UEVLD: variants seen among roughly 807,000 people sequenced by gnomAD.
The protein encoded by UEVLD is ubiquitin-conjugating enzyme E2 variant 3.
Under a neutral mutation model 58.6 loss-of-function variants are expected in UEVLD, and 47 were observed. That is an observed-to-expected ratio of 0.80 (90% CI 0.63 to 1.02). UEVLD has a LOEUF of 1.02. Ranked by LOEUF, UEVLD falls within the 50% of genes least tolerant of loss-of-function variation. The probability of loss-of-function intolerance (pLI) is 0.00; values close to 1 mark genes in which losing one functional copy is unlikely to be tolerated. For synonymous variants in UEVLD, 197 were observed against 195.3 expected (o/e 1.01, Z -0.07); for missense variants, 510 against 550.6 (o/e 0.93, Z 0.74).
chr11:18,566,212 TTTC>T lies in UEVLD; in HGVS notation c.493+132_493+134del. 9 of 1,308,450 alleles carry T rather than the reference TTTC, an allele frequency of 6.9e-6. 1 individual carries two copies. The South Asian group carries it at 8.0e-5, about 12-fold the overall frequency. The allele number at this position is 1,308,450 out of a possible 1,614,324, so 81.1% of individuals were successfully genotyped here. On this transcript the variant is annotated intron_variant, in intron 5 of 11. Coordinates refer to ENST00000396197, the MANE Select transcript of UEVLD (RefSeq NM_001040697.4). ...CTGCGCCTGGCCTGAGGCACAGGAA[TTTC>T]TTATTTCAAAAACAGATGTACATAC...
intron 1 of UEVLD, among the ~76,000 whole-genome samples, chr11:18,579,146 C>T (rs940537923): frequency 3.3e-5 from 5 of 152,116 alleles, no homozygotes; most frequent in Non-Finnish European, 5.9e-5. Context: ...TGGTTACAGG[C>T]GTGAGCCACC....
At chr11:18,550,934 G>A (rs1025394860) in intron 7 of UEVLD, among the ~76,000 whole-genome samples, 1 of 152,118 alleles carries the variant, frequency 6.6e-6, no homozygotes, top group Non-Finnish European at 1.5e-5. Context: ...CAAACCCCCA[G>A]ATGATTCTGA....
chr11:18,576,587 T>G (rs1852922927), intron 2 of UEVLD, among the ~76,000 whole-genome samples: 1 of 152,142 alleles, frequency 6.6e-6, no homozygotes, highest in Non-Finnish European at 1.5e-5. Flanking sequence ...TTAGTAATCA[T>G]GCACCTGGAA....
At chr11:18,564,075 G>T (rs1382108280) in intron 6 of UEVLD, 1 of 231,548 alleles carries the variant, frequency 4.3e-6, no homozygotes, top group Non-Finnish European at 9.3e-6. Flanking sequence ...ACTACAGCAT[G>T]CCAAAAGTTG....
rs575766595 is a variant in UEVLD, at chr11:18,575,250, A to G, written c.193+97T>C. Reference sequence around the variant, plus strand: ...GTTCTGTATAGGTCATATATCTGCAATAATACTTTAAGAATGTTATGGCAT... The same window carrying G: ...GTTCTGTATAGGTCATATATCTGCAGTAATACTTTAAGAATGTTATGGCAT... On this transcript the variant is annotated intron_variant, in intron 3 of 11. Coordinates refer to ENST00000396197, the MANE Select transcript of UEVLD (RefSeq NM_001040697.4). The G allele has an allele frequency of 8.3e-6, 11 of 1,332,346 alleles. No homozygotes were observed. The African/African-American group carries it at 1.5e-4, about 18-fold the overall frequency. 82.5% of individuals were successfully genotyped at this position (1,332,346 alleles called of 1,614,324 possible).
chr11:18,575,298 G>T, intron 3 of UEVLD, 49 bp downstream of exon 3: 2 of 1,556,116 alleles, frequency 1.3e-6, no homozygotes, highest in South Asian at 2.4e-5. Flanking sequence ...GTTATTAAAT[G>T]AACTGCTCTT....
intron 6 of UEVLD, among the ~76,000 whole-genome samples, chr11:18,561,119 T>A (rs1852012470): frequency 6.6e-6 from 1 of 152,198 alleles, no homozygotes; most frequent in Non-Finnish European, 1.5e-5. Flanking sequence ...AAAGCCACAC[T>A]TTGTTTAGTA....
intron 2 of UEVLD, among the ~76,000 whole-genome samples, chr11:18,578,266 G>A (rs1853039913): frequency 6.6e-6 from 1 of 152,188 alleles, no homozygotes; most frequent in South Asian, 2.1e-4. Context: ...AATGGTTAGA[G>A]ACATGCAACA....
intron 7 of UEVLD, among the ~76,000 whole-genome samples, chr11:18,556,807 A>G (rs1225597074): frequency 6.6e-6 from 1 of 152,078 alleles, no homozygotes; most frequent in African/African-American, 2.4e-5. Context: ...AAAAAATGAG[A>G]TAGGGCAGGG....
intron 1 of UEVLD, among the ~76,000 whole-genome samples, chr11:18,583,083 T>G (rs567993441): frequency 6.6e-6 from 1 of 151,604 alleles, no homozygotes; most frequent in Non-Finnish European, 1.5e-5. Flanking sequence ...TCACCACACC[T>G]GGCTAATTTT....
intron 4 of UEVLD, among the ~76,000 whole-genome samples, chr11:18,569,101 A>G (rs1852454667): frequency 6.6e-6 from 1 of 152,106 alleles, no homozygotes; most frequent in Non-Finnish European, 1.5e-5. Flanking sequence ...TCACTGCGTT[A>G]GCCAAGATGG....
At position 18,533,053 on chromosome 11, in the gene UEVLD, TTTTCTTTTC is replaced by T. The variant is rs1172444293; in HGVS notation, c.1249-575_1249-567del. On this transcript the variant is annotated intron_variant, in intron 11 of 11. Coordinates refer to ENST00000396197, the MANE Select transcript of UEVLD (RefSeq NM_001040697.4). ...TCTCTTCTGGCTATTTTTTCTTTTC[TTTTCTTTTC>T]TTTTTTTTTTTTTTGAGATGAGGTC... Among the ~76,000 whole-genome samples the T allele has an allele frequency of 1.5e-4, 21 of 140,032 alleles. No individual in the cohort carries two copies. In the East Asian group the frequency reaches 2.0e-3, roughly 14 times the overall value. The allele number at this position is 140,032 out of a possible 152,430, so 91.9% of individuals were successfully genotyped here.
intron 3 of UEVLD, among the ~76,000 whole-genome samples, chr11:18,571,938 T>C (rs557764048): frequency 3.3e-5 from 5 of 151,974 alleles, no homozygotes; most frequent in African/African-American, 9.7e-5. Flanking sequence ...ACCCTCTCTC[T>C]TAAAAGAAAA....
At chr11:18,564,151 T>C (rs1005048595) in intron 6 of UEVLD, 5 of 176,218 alleles carry the variant, frequency 2.8e-5, no homozygotes, top group African/African-American at 1.2e-4. Flanking sequence ...TTTAATTATT[T>C]GCTGCAGTAG....
chr11:18,575,266 G>A (rs969362457), intron 3 of UEVLD, 81 bp downstream of exon 3: 198 of 1,430,644 alleles, frequency 1.4e-4, no homozygotes, highest in Middle Eastern at 5.0e-4. Context: ...CTTTAAGAAT[G>A]TTATGGCATA....
At chr11:18,561,007 T>C (rs1852007852) in intron 6 of UEVLD, among the ~76,000 whole-genome samples, 1 of 114,828 alleles carries the variant, frequency 8.7e-6, no homozygotes, top group Non-Finnish European at 2.2e-5. Flanking sequence ...GGACTCCATC[T>C]CAAAAAAAAA....
intron 4 of UEVLD, among the ~76,000 whole-genome samples, chr11:18,567,155 T>C (rs979691932): frequency 2.6e-5 from 4 of 152,214 alleles, no homozygotes; most frequent in African/African-American, 9.6e-5. Context: ...TTAACCGTTA[T>C]CAAATCAGAA....
intron 5 of UEVLD, among the ~76,000 whole-genome samples, chr11:18,565,684 C>T (rs1213462547): frequency 1.3e-5 from 2 of 151,884 alleles, no homozygotes; most frequent in African/African-American, 4.8e-5. Context: ...CAAAAATTGG[C>T]TGGGCATGCC....
rs1390324747 is a variant in UEVLD at position 18,578,818 on chromosome 11, G to A, written c.43-10C>T. ...GGTCCCTGAACTTGTACTGAAAAGA[G>A]AAAAATAAGCATGGAGTAAGAATAA... On this transcript the variant is annotated splice_polypyrimidine_tract_variant and intron_variant, in intron 1 of 11. Transcript: ENST00000396197. The A allele has an allele frequency of 1.1e-5, 17 of 1,557,534 alleles. No homozygotes were observed. The highest frequency in any genetic ancestry group is 1.5e-5 in the Non-Finnish European group (17 of 1,148,292).
Sources: allele counts gnomAD v4.1 joint callset (sites outside exome capture counted in the v4.1 genomes callset), GRCh38; gene constraint gnomAD v4.1.1; transcripts MANE v1.5; gene names NCBI Gene and HGNC (gene_info 2026-07-23, HGNC 2026-07-21).